SNCAIP: variants seen among roughly 807,000 people sequenced by gnomAD.
The protein encoded by SNCAIP is synuclein alpha interacting protein.
A neutral mutation model predicts 86.7 loss-of-function variants in SNCAIP; 43 were observed. The observed-to-expected ratio is 0.50, with a 90% confidence interval of 0.39 to 0.64. The LOEUF (loss-of-function observed/expected upper bound fraction) is 0.64, where lower values mean the gene tolerates loss of function less well. Ranked by LOEUF, SNCAIP falls within the 30% of genes least tolerant of loss-of-function variation. SNCAIP has a pLI of 0.00. For synonymous variants in SNCAIP, 417 were observed against 427.2 expected (o/e 0.98, Z 0.29); for missense variants, 981 against 1,103.1 (o/e 0.89, Z 1.57).
At chr5:122,355,198 TA>T (rs1760747521) in intron 1 of SNCAIP, among the ~76,000 whole-genome samples, 2 of 152,198 alleles carry the variant, frequency 1.3e-5, no homozygotes. Context: ...AACTTAGGTA[TA>T]AAACAATGTT....
intron 1 of SNCAIP, among the ~76,000 whole-genome samples, chr5:122,378,002 G>T (rs1463178078): frequency 2.7e-5 from 4 of 150,732 alleles, no homozygotes; most frequent in East Asian, 2.0e-4. Flanking sequence ...ATAAACATAC[G>T]TGTGCATGTG....
At chr5:122,392,307 A>G (rs1312657490) in intron 2 of SNCAIP, among the ~76,000 whole-genome samples, 1 of 151,960 alleles carries the variant, frequency 6.6e-6, no homozygotes, top group African/African-American at 2.4e-5. Flanking sequence ...GCTTCCAGAC[A>G]ATTTTTATTA....
chr5:122,431,793 C>G (rs2152945449), intron 5 of SNCAIP, among the ~76,000 whole-genome samples, 176 bp from the exon 6 acceptor site: 1 of 152,112 alleles, frequency 6.6e-6, no homozygotes, highest in East Asian at 1.9e-4. Flanking sequence ...GATTTCGAGC[C>G]AAATCCACAG....
intron 2 of SNCAIP, among the ~76,000 whole-genome samples, chr5:122,402,506 G>C (rs985594340): frequency 6.6e-6 from 1 of 152,136 alleles, no homozygotes; most frequent in Non-Finnish European, 1.5e-5. Flanking sequence ...TTAGTCATTT[G>C]AGATTTCACT....
chr5:122,325,761 A>G (rs1158794993), intron 1 of SNCAIP, among the ~76,000 whole-genome samples: 1 of 152,214 alleles, frequency 6.6e-6, no homozygotes, highest in Non-Finnish European at 1.5e-5. Flanking sequence ...TTTTTTACAA[A>G]GTATTCGCAA....
chr5:122,331,253 G>C (rs1470501666), intron 1 of SNCAIP, among the ~76,000 whole-genome samples: 14 of 152,104 alleles, frequency 9.2e-5, no homozygotes, highest in Admixed American at 9.2e-4. Context: ...TAAAAATATG[G>C]TCCCTAGTTA....
chr5:122,373,887 C>T (rs143761596), intron 1 of SNCAIP, among the ~76,000 whole-genome samples: 77 of 152,214 alleles, frequency 5.1e-4, no homozygotes, highest in African/African-American at 1.7e-3. Context: ...AGAAGCATTC[C>T]TTGAAGGTGG....
At chr5:122,428,732 A>G (rs1171589044) in intron 5 of SNCAIP, among the ~76,000 whole-genome samples, 1 of 151,902 alleles carries the variant, frequency 6.6e-6, no homozygotes, top group Non-Finnish European at 1.5e-5. Context: ...TCCTAATGCT[A>G]TCCCTTCCCC....
chr5:122,384,432 A>G (rs982914061), intron 1 of SNCAIP, among the ~76,000 whole-genome samples: 3 of 152,192 alleles, frequency 2.0e-5, no homozygotes, highest in Non-Finnish European at 4.4e-5. Context: ...TTACCTTGTC[A>G]TTTTGGCAAG....
At position 122,451,625 on chromosome 5, in the gene SNCAIP, C is replaced by T. The variant is rs567147750; in HGVS notation, c.2754+24C>T. The T allele has an allele frequency of 9.7e-6, 14 of 1,446,602 alleles. No individual in the cohort carries two copies. The East Asian group carries it at 3.0e-4, about 31-fold the overall frequency. 89.6% of individuals were successfully genotyped at this position (1,446,602 alleles called of 1,614,324 possible). ...CAGTAAGTGCTATTTGGAGAATATTCTTTTTTTTCCTTCAAATGGATTATG... is the reference window on the plus strand; with the variant it reads ...CAGTAAGTGCTATTTGGAGAATATTTTTTTTTTTCCTTCAAATGGATTATG... On this transcript the variant is annotated intron_variant, in intron 10 of 10. Transcript: ENST00000261368.
chr5:122,363,050 G>A (rs1043656344), intron 1 of SNCAIP, among the ~76,000 whole-genome samples: 4 of 146,984 alleles, frequency 2.7e-5, no homozygotes, highest in African/African-American at 1.0e-4. Flanking sequence ...AGGCTGGAGT[G>A]CAATGGTACA....
chr5:122,354,228 T>C (rs1760538224), intron 1 of SNCAIP, among the ~76,000 whole-genome samples: 1 of 152,206 alleles, frequency 6.6e-6, no homozygotes, highest in Non-Finnish European at 1.5e-5. Context: ...GAATACCAGA[T>C]ACTTCATTTT....
intron 1 of SNCAIP, among the ~76,000 whole-genome samples, chr5:122,316,021 T>A (rs1383088103): frequency 6.6e-6 from 1 of 152,092 alleles, no homozygotes; most frequent in Non-Finnish European, 1.5e-5. Context: ...AATAAGGGAT[T>A]TATTTGGGGG....
intron 2 of SNCAIP, among the ~76,000 whole-genome samples, chr5:122,401,844 C>T (rs1771881733): frequency 6.6e-6 from 1 of 152,162 alleles, no homozygotes; most frequent in South Asian, 2.1e-4. Flanking sequence ...CACTATGGGC[C>T]TTTGAGGCCA....
In SNCAIP at chr5:122,450,647, C is replaced by A. The variant is rs1451745300; in HGVS notation, c.1800C>A (p.Ser600Arg). 6.2e-7 allele frequency: 1 copy of A among 1,613,982 alleles called. No homozygotes were observed. Among genetic ancestry groups the A allele is most frequent in the Admixed American group, 1.7e-5 (1 of 60,022 alleles). The change falls in exon 10 of 11, where the codon AGC becomes AGA. Residue 600 changes from serine (S) to arginine (R), a missense_variant. By Grantham distance (110) the Ser-to-Arg change is moderately radical. Coordinates refer to ENST00000261368, the MANE Select transcript of SNCAIP (RefSeq NM_005460.4). ...GVQEGIQVLG[S>R]LSASSRARPK... ...AAGAGGGGATTCAGGTTCTTGGAAG[C>A]CTGTCAGCCTCCAGCCGGGCTAGAC... is the stretch of plus-strand genomic sequence containing the variant.
At chr5:122,374,431 G>T (rs1349358126) in intron 1 of SNCAIP, among the ~76,000 whole-genome samples, 1 of 152,048 alleles carries the variant, frequency 6.6e-6, no homozygotes, top group Non-Finnish European at 1.5e-5. Context: ...TGCCAAAGAG[G>T]AAAAACCCAC....
At chr5:122,382,800 C>T (rs371715644) in intron 1 of SNCAIP, among the ~76,000 whole-genome samples, 9,606 of 103,010 alleles carry the variant, frequency 0.093, no homozygotes, top group African/African-American at 0.17. Context: ...GAATACCCTG[C>T]CGTGTGAGGT....
intron 1 of SNCAIP, among the ~76,000 whole-genome samples, chr5:122,344,607 CA>C (rs1332104719): frequency 6.6e-6 from 1 of 152,104 alleles, no homozygotes; most frequent in Non-Finnish European, 1.5e-5. Context: ...TGCAGTCAGT[CA>C]CTCAAAATAC....
At chr5:122,357,507 C>A (rs1761271356) in intron 1 of SNCAIP, among the ~76,000 whole-genome samples, 2 of 152,024 alleles carry the variant, frequency 1.3e-5, no homozygotes, top group African/African-American at 4.8e-5. Context: ...GTGCTGAGAT[C>A]ACAGGCATGA....
Sources: gnomAD v4.1 joint callset for allele counts (sites outside exome capture counted in the v4.1 genomes callset) on GRCh38, gnomAD v4.1.1 for gene constraint, MANE v1.5 for transcripts, NCBI Gene and HGNC (gene_info 2026-07-23, HGNC 2026-07-21) for gene names.